Variants in GRM5 observed in about 807,000 individuals in gnomAD.
GRM5 encodes metabotropic glutamate receptor 5.
GRM5 carries 19 observed loss-of-function variants against 83.1 expected under a neutral mutation model. The observed-to-expected ratio is 0.23, with a 90% confidence interval of 0.16 to 0.34. The LOEUF is 0.34. Among genes scored for constraint, GRM5 ranks in the 10% least tolerant of loss-of-function variants. The probability of loss-of-function intolerance (pLI) is 1.00; values close to 1 mark genes in which losing one functional copy is unlikely to be tolerated. For missense variants in GRM5, 1,160 were observed against 1,588.3 expected (o/e 0.73, Z 4.58); for synonymous variants, 675 against 633.6 (o/e 1.07, Z -0.98).
At chr11:88,725,756 G>C (rs1941664502) in intron 3 of GRM5, among the ~76,000 whole-genome samples, 1 of 152,126 alleles carries the variant, frequency 6.6e-6, no homozygotes, top group African/African-American at 2.4e-5. Context: ...GGCCTGGAGT[G>C]GACCTCCAGC....
intron 6 of GRM5, among the ~76,000 whole-genome samples, chr11:88,594,399 A>G (rs184078365): frequency 1.8e-4 from 27 of 152,322 alleles, no homozygotes; most frequent in Admixed American, 5.9e-4. Context: ...TACAGTCTCT[A>G]TTGCAACTCA....
intron 2 of GRM5, among the ~76,000 whole-genome samples, chr11:88,893,095 G>T (rs116463639): frequency 0.01 from 1,535 of 150,718 alleles, 23 homozygotes; most frequent in East Asian, 0.072. Context: ...TTCCACTGCT[G>T]TAGTATTTTG....
chr11:88,936,700 T>C (rs115259916), intron 2 of GRM5, among the ~76,000 whole-genome samples: 4 of 151,836 alleles, frequency 2.6e-5, no homozygotes, highest in Non-Finnish European at 4.4e-5. Context: ...ACTGATAACT[T>C]TAAACAGTCA....
intron 2 of GRM5, among the ~76,000 whole-genome samples, chr11:88,998,763 C>A (rs1940273714): frequency 6.6e-6 from 1 of 152,000 alleles, no homozygotes; most frequent in African/African-American, 2.4e-5. Context: ...ACATAAAAAT[C>A]AAATGTATTT....
rs530589366 is a variant in GRM5, at chr11:88,551,334, C to G, written c.2630+15719G>C. Among the ~76,000 whole-genome samples, 4 of 152,234 alleles carry G rather than the reference C, an allele frequency of 2.6e-5. No homozygotes were observed. In the South Asian group the frequency reaches 8.3e-4, roughly 32 times the overall value. ...AGTGTCCAAGAACTTGACTTTAAAT[C>G]CTGTGATAGTTGCAAAAACAGTCTG... is the stretch of plus-strand genomic sequence containing the variant. On this transcript the variant is annotated intron_variant, in intron 8 of 9. Transcript: ENST00000305447.
chr11:88,984,627 T>C (rs1027520509), intron 2 of GRM5: 4 of 440,248 alleles, frequency 9.1e-6, no homozygotes, highest in Non-Finnish European at 1.2e-5. Flanking sequence ...TAAATAAAGA[T>C]TATAAAATTA....
intron 7 of GRM5, among the ~76,000 whole-genome samples, chr11:88,575,833 T>G (rs1260796909): frequency 6.6e-6 from 1 of 151,930 alleles, no homozygotes; most frequent in African/African-American, 2.4e-5. Context: ...TCCTTCAAGG[T>G]TTATTACACA....
At chr11:88,799,725 T>C (rs956810327) in intron 3 of GRM5, among the ~76,000 whole-genome samples, 5 of 152,152 alleles carry the variant, frequency 3.3e-5, no homozygotes, top group African/African-American at 1.2e-4. Flanking sequence ...TTAGCTATTT[T>C]GTGTATCCAT....
intron 3 of GRM5, among the ~76,000 whole-genome samples, chr11:88,751,072 CAAAAAAAA>C (rs774458890): frequency 6.3e-5 from 3 of 47,366 alleles, no homozygotes; most frequent in African/African-American, 3.4e-4. Flanking sequence ...TAGCAGAAGC[CAAAAAAAA>C]AAAAAAAAAA....
chr11:88,632,556 T>C (rs1939005611), intron 4 of GRM5, among the ~76,000 whole-genome samples: 1 of 152,162 alleles, frequency 6.6e-6, no homozygotes, highest in Non-Finnish European at 1.5e-5. Context: ...TAATTGGTCA[T>C]TCCTTTATGT....
At chr11:88,740,834 G>T (rs543599948) in intron 3 of GRM5, among the ~76,000 whole-genome samples, 7 of 152,038 alleles carry the variant, frequency 4.6e-5, no homozygotes, top group African/African-American at 1.4e-4. Context: ...AGCAGAATTT[G>T]CTTCCAAGAG....
At chr11:88,776,843 T>C (rs1386824697) in intron 3 of GRM5, among the ~76,000 whole-genome samples, 3 of 152,190 alleles carry the variant, frequency 2.0e-5, no homozygotes, top group Non-Finnish European at 4.4e-5. Flanking sequence ...TGTGGGTAAC[T>C]TGACCTTTCT....
At position 88,653,318 on chromosome 11, in the gene GRM5, C is replaced by A; in HGVS notation, c.997G>T (p.Asp333Tyr). Reference sequence around the variant, plus strand: ...TAATAATCATCAAACCACTTGACATCGGGAGATTGGAGCTTGATTGTGATG... The same window carrying A: ...TAATAATCATCAAACCACTTGACATAGGGAGATTGGAGCTTGATTGTGATG... ...GGITIKLQSP[D>Y]VKWFDDYYLK... The change falls in exon 4 of 10, where the codon GAT becomes TAT. Residue 333 changes from aspartate (D) to tyrosine (Y), a missense_variant. By Grantham distance (160) the Asp-to-Tyr change is radical (BLOSUM62 -3). Transcript: ENST00000305447. The A allele has an allele frequency of 6.2e-7, 1 of 1,612,816 alleles. No individual in the cohort carries two copies. Among genetic ancestry groups the A allele is most frequent in the Non-Finnish European group, 8.5e-7 (1 of 1,179,192 alleles).
chr11:88,704,205 C>A (rs1445936897), intron 3 of GRM5, among the ~76,000 whole-genome samples: 1 of 152,056 alleles, frequency 6.6e-6, no homozygotes. Context: ...AGCCCACCTC[C>A]AAATACCATC....
intron 8 of GRM5, among the ~76,000 whole-genome samples, chr11:88,555,949 A>G (rs1185964902): frequency 6.6e-6 from 1 of 152,160 alleles, no homozygotes; most frequent in African/African-American, 2.4e-5. Flanking sequence ...ATGAAGAATC[A>G]TAAATGCACT....
At chr11:88,571,137 T>C (rs1942991540) in intron 7 of GRM5, among the ~76,000 whole-genome samples, 2 of 152,192 alleles carry the variant, frequency 1.3e-5, no homozygotes, top group African/African-American at 4.8e-5. Flanking sequence ...CATCTTAATG[T>C]AATTAAGTTT....
chr11:89,015,662 T>C (rs2135098894), intron 2 of GRM5, among the ~76,000 whole-genome samples: 1 of 152,324 alleles, frequency 6.6e-6, no homozygotes, highest in Non-Finnish European at 1.5e-5. Context: ...CAGGTAGCAC[T>C]AAATACCATT....
chr11:88,931,492 A>G (rs962670670), intron 2 of GRM5, among the ~76,000 whole-genome samples: 2 of 151,970 alleles, frequency 1.3e-5, no homozygotes, highest in African/African-American at 2.4e-5. Context: ...GCAAACAGAC[A>G]CTAGCCTTTG....
At chr11:88,999,613 A>C (rs1194811256) in intron 2 of GRM5, among the ~76,000 whole-genome samples, 3 of 152,142 alleles carry the variant, frequency 2.0e-5, no homozygotes, top group Admixed American at 2.0e-4. Flanking sequence ...GATGTGGAAA[A>C]ATAGGAACAC....
Sources: gnomAD v4.1 joint callset for allele counts (sites outside exome capture counted in the v4.1 genomes callset) on GRCh38, gnomAD v4.1.1 for gene constraint, MANE v1.5 for transcripts, NCBI Gene and HGNC (gene_info 2026-07-23, HGNC 2026-07-21) for gene names.